The following SEL1L2 variants were observed in gnomAD, a reference collection of about 807,000 sequenced individuals.
SEL1L2 encodes the protein protein sel-1 homolog 2.
Under a neutral mutation model 98.8 loss-of-function variants are expected in SEL1L2, and 89 were observed. The ratio of observed to expected loss-of-function variants is 0.90; its 90% CI spans 0.76 to 1.07. SEL1L2 has a LOEUF of 1.07. Among genes scored for constraint, SEL1L2 ranks in the 50% least tolerant of loss-of-function variants. The pLI is 0.00. For synonymous variants in SEL1L2, 262 were observed against 278.5 expected (o/e 0.94, Z 0.59); for missense variants, 788 against 812.0 (o/e 0.97, Z 0.36).
intron 1 of SEL1L2, among the ~76,000 whole-genome samples, chr20:13,980,151 G>A (rs192020737): frequency 3.9e-5 from 6 of 152,260 alleles, no homozygotes; most frequent in Non-Finnish European, 8.8e-5. Context: ...AAATCACAAC[G>A]AGATATTGCC....
At chr20:13,939,040 G>GTTTTT (rs386365633) in intron 2 of SEL1L2, among the ~76,000 whole-genome samples, 14 of 114,084 alleles carry the variant, frequency 1.2e-4, no homozygotes, top group African/African-American at 3.1e-4. Context: ...TGCTTGTTTT[G>GTTTTT]TTTTTTTTTT....
At chr20:13,853,275 T>C (rs560385311) in intron 18 of SEL1L2, among the ~76,000 whole-genome samples, 1 of 152,254 alleles carries the variant, frequency 6.6e-6, no homozygotes, top group Non-Finnish European at 1.5e-5. Flanking sequence ...TTTGGCTTAC[T>C]GCTGCCTCCA....
At chr20:13,909,811 C>A (rs2048136273) in intron 5 of SEL1L2, among the ~76,000 whole-genome samples, 1 of 152,004 alleles carries the variant, frequency 6.6e-6, no homozygotes. Context: ...ACTAAAAATA[C>A]AAAAATTAGC....
At chr20:13,992,802 C>G (rs540781731), upstream of SEL1L2, among the ~76,000 whole-genome samples, 1 of 152,172 alleles carries the variant, frequency 6.6e-6, no homozygotes, top group Admixed American at 6.5e-5. Flanking sequence ...TGCAAGATGG[C>G]TACCTTCTTG....
chr20:13,908,374 T>G (rs935379108), intron 5 of SEL1L2, among the ~76,000 whole-genome samples: 2 of 152,136 alleles, frequency 1.3e-5, no homozygotes, highest in African/African-American at 4.8e-5. Flanking sequence ...TCCTCCTGCT[T>G]CAGCCTCCCA....
intron 4 of SEL1L2, among the ~76,000 whole-genome samples, chr20:13,914,897 C>A (rs945423983): frequency 2.0e-5 from 3 of 152,186 alleles, no homozygotes; most frequent in African/African-American, 7.2e-5. Context: ...CAGAAGCCAT[C>A]TGGACCTGAT....
intron 5 of SEL1L2, among the ~76,000 whole-genome samples, chr20:13,901,969 C>T (rs1274768197): frequency 6.6e-6 from 1 of 152,070 alleles, no homozygotes; most frequent in Non-Finnish European, 1.5e-5. Flanking sequence ...GGCCTTCATA[C>T]TTACTTTTAA....
At chr20:13,849,906 G>C (rs1987943577) in intron 19 of SEL1L2, 2 of 542,928 alleles carry the variant, frequency 3.7e-6, no homozygotes, top group Non-Finnish European at 6.6e-6. Flanking sequence ...GAACTGTTTT[G>C]AAGAAGTATA....
At position 13,870,126 on chromosome 20, in the gene SEL1L2, A is replaced by G; in HGVS notation, c.1167+15T>C. On this transcript the variant is annotated intron_variant, in intron 13 of 19. Transcript: ENST00000284951. ...ATTGCTACAAATAAAAAGATAATAA[A>G]ATAATTTAACTTACCAGGGGAACTC... 6.4e-7 allele frequency: 1 copy of G among 1,557,228 alleles called. No individual in the cohort carries two copies. The highest frequency in any genetic ancestry group is 1.8e-5 in the Admixed American group (1 of 56,378).
At chr20:13,905,885 T>C (rs1261894748) in intron 5 of SEL1L2, among the ~76,000 whole-genome samples, 9 of 149,386 alleles carry the variant, frequency 6.0e-5, no homozygotes. Context: ...TTTTTTTTTT[T>C]TTTTTTGAGA....
chr20:13,901,659 ATTTT>A, intron 5 of SEL1L2, among the ~76,000 whole-genome samples: 1 of 144,196 alleles, frequency 6.9e-6, no homozygotes, highest in East Asian at 2.1e-4. Context: ...TTTTTTGCAA[ATTTT>A]TTTCTTTTTT....
At chr20:13,858,190 A>T (rs1446182833) in intron 18 of SEL1L2, among the ~76,000 whole-genome samples, 1 of 152,210 alleles carries the variant, frequency 6.6e-6, no homozygotes, top group Non-Finnish European at 1.5e-5. Context: ...ACTGTGCACC[A>T]CTAGCAGTTC....
chr20:13,905,309 C>CTTTTTT (rs34326096), intron 5 of SEL1L2, among the ~76,000 whole-genome samples: 1 of 132,974 alleles, frequency 7.5e-6, no homozygotes, highest in African/African-American at 2.8e-5. Flanking sequence ...TGTCCTATAA[C>CTTTTTT]TTTTTTTTTT....
chr20:13,932,876 G>T (rs142786220), intron 2 of SEL1L2, among the ~76,000 whole-genome samples: 6 of 152,016 alleles, frequency 3.9e-5, no homozygotes, highest in Non-Finnish European at 8.8e-5. Context: ...TGACCCAGGG[G>T]CCAGAGCAAG....
rs578038608 is a variant in SEL1L2, at chr20:13,853,021, T to C, written c.1819-2702A>G. ...AAAAAAGCCACCCACAATCTCACTG[T>C]ACAGAGATAACTACTGGTAATATTT... On this transcript the variant is annotated intron_variant, in intron 18 of 19. Coordinates refer to ENST00000284951, the MANE Select transcript of SEL1L2 (RefSeq NM_025229.2). Among the ~76,000 whole-genome samples, 103 of 152,300 alleles carry C rather than the reference T, an allele frequency of 6.8e-4. 1 individual carries two copies. The highest frequency in any genetic ancestry group is 1.9e-3 in the Admixed American group (29 of 15,298).
At chr20:13,895,893 C>T (rs922164469) in intron 5 of SEL1L2, among the ~76,000 whole-genome samples, 7 of 152,098 alleles carry the variant, frequency 4.6e-5, no homozygotes, top group African/African-American at 1.7e-4. Context: ...AATAAATGGA[C>T]CAGGTGTGGT....
intron 14 of SEL1L2, 40 bp from the exon 15 acceptor site, chr20:13,866,890 T>C (rs1991132841): frequency 6.5e-7 from 1 of 1,547,092 alleles, no homozygotes; most frequent in African/African-American, 1.4e-5. Context: ...CTTATTGACT[T>C]TATTTTTTAT....
At chr20:13,993,124 AG>A (rs2052572114), upstream of SEL1L2, among the ~76,000 whole-genome samples, 1 of 152,172 alleles carries the variant, frequency 6.6e-6, no homozygotes, top group South Asian at 2.1e-4. Context: ...TGGACAGAAG[AG>A]GGGCAACAGT....
chr20:13,929,322 A>T (rs2049027584), intron 3 of SEL1L2, among the ~76,000 whole-genome samples: 2 of 151,756 alleles, frequency 1.3e-5, no homozygotes, highest in African/African-American at 4.8e-5. Context: ...CTTTTAGATG[A>T]GGACCTCTAA....
Sources: gnomAD v4.1 joint callset for allele counts (sites outside exome capture counted in the v4.1 genomes callset) on GRCh38, gnomAD v4.1.1 for gene constraint, MANE v1.5 for transcripts, NCBI Gene and HGNC (gene_info 2026-07-23, HGNC 2026-07-21) for gene names.